Variants in ADAMTSL1 observed in about 807,000 individuals in gnomAD.
ADAMTSL1 encodes the protein ADAMTS like 1.
In ADAMTSL1, 126 loss-of-function variants were observed where a neutral mutation model predicts 201.8. The ratio of observed to expected loss-of-function variants is 0.62; its 90% CI spans 0.54 to 0.72. The LOEUF (loss-of-function observed/expected upper bound fraction) is 0.72. Ranked by LOEUF, ADAMTSL1 falls within the 30% of genes least tolerant of loss-of-function variation. The probability of loss-of-function intolerance (pLI) is 0.00; values close to 1 mark genes in which losing one functional copy is unlikely to be tolerated. For missense variants in ADAMTSL1, 2,679 were observed against 2,277.8 expected (o/e 1.18, Z -3.59); for synonymous variants, 1,121 against 903.4 (o/e 1.24, Z -4.32).
chr9:18,535,501 C>G (rs1819710620), intron 3 of ADAMTSL1, among the ~76,000 whole-genome samples: 2 of 152,158 alleles, frequency 1.3e-5, no homozygotes, highest in South Asian at 2.1e-4. Flanking sequence ...CCAAACTGTG[C>G]CAGCCTCTGC....
At chr9:18,583,156 A>T (rs1348579021) in intron 4 of ADAMTSL1, among the ~76,000 whole-genome samples, 1 of 152,206 alleles carries the variant, frequency 6.6e-6, no homozygotes, top group Admixed American at 6.5e-5. Context: ...ATATGGAAGC[A>T]ACTTTGGAAC....
chr9:18,726,068 T>C (rs1281484329), intron 15 of ADAMTSL1, among the ~76,000 whole-genome samples: 1 of 152,214 alleles, frequency 6.6e-6, no homozygotes, highest in Non-Finnish European at 1.5e-5. Flanking sequence ...AATAGGATCA[T>C]AGTAGGCACT....
chr9:18,655,360 G>A (rs947523675), intron 7 of ADAMTSL1, among the ~76,000 whole-genome samples: 14 of 152,190 alleles, frequency 9.2e-5, no homozygotes, highest in African/African-American at 3.4e-4. Flanking sequence ...TCATTATGTT[G>A]AATTAGAAAC....
In ADAMTSL1 at chr9:18,247,761, CAGA is replaced by C. The variant is rs1341738079; in HGVS notation, c.207+83786_207+83788del. 4.0e-5 allele frequency among the ~76,000 whole-genome samples: 6 copies of C among 151,534 alleles called. No homozygotes were observed. The East Asian group carries it at 9.7e-4, about 24-fold the overall frequency. ...CTGTGTGGCTAGACAGAGGGAGAGG[CAGA>C]AGAAGGAAAGGAGGGAGGGAGGAAG... On this transcript the variant is annotated intron_variant, in intron 2 of 29. Transcript: ENST00000680146.
intron 15 of ADAMTSL1, among the ~76,000 whole-genome samples, chr9:18,726,511 CAAA>C (rs555368005): frequency 8.2e-6 from 1 of 121,994 alleles, no homozygotes; most frequent in African/African-American, 3.0e-5. Flanking sequence ...ACCCTGTCTC[CAAA>C]AAAAAAAAAA....
intron 3 of ADAMTSL1, among the ~76,000 whole-genome samples, chr9:18,563,451 C>A (rs1821667601): frequency 6.6e-6 from 1 of 152,170 alleles, no homozygotes; most frequent in Non-Finnish European, 1.5e-5. Context: ...TCTGTTGACC[C>A]CTGCTGGAAG....
intron 14 of ADAMTSL1, among the ~76,000 whole-genome samples, chr9:18,709,916 T>C (rs571081925): frequency 8.5e-5 from 13 of 152,364 alleles, no homozygotes; most frequent in African/African-American, 2.9e-4. Flanking sequence ...CTCTACTTTT[T>C]GCTTCTGTCA....
intron 14 of ADAMTSL1, among the ~76,000 whole-genome samples, chr9:18,714,073 C>A (rs1293101022): frequency 2.0e-5 from 3 of 152,012 alleles, no homozygotes; most frequent in Non-Finnish European, 4.4e-5. Context: ...CACAACATAC[C>A]AGAATCTCTG....
intron 6 of ADAMTSL1, among the ~76,000 whole-genome samples, chr9:18,637,934 A>T (rs1325489472): frequency 6.6e-6 from 1 of 152,112 alleles, no homozygotes; most frequent in African/African-American, 2.4e-5. Flanking sequence ...GATTTTCCCA[A>T]AACTAAGTTA....
At chr9:18,008,873 A>G (rs1218054976) in intron 1 of ADAMTSL1, among the ~76,000 whole-genome samples, 2 of 152,000 alleles carry the variant, frequency 1.3e-5, no homozygotes, top group Non-Finnish European at 2.9e-5. Context: ...TTTATCTTGA[A>G]CAAAAATGAA....
intron 8 of ADAMTSL1, among the ~76,000 whole-genome samples, chr9:18,657,971 GTC>G (rs1828810192): frequency 2.6e-5 from 3 of 114,628 alleles, no homozygotes; most frequent in South Asian, 2.9e-4. Context: ...AGAGGAAACA[GTC>G]TTTTTTTTTT....
intron 2 of ADAMTSL1, among the ~76,000 whole-genome samples, chr9:18,517,331 C>T (rs539446822): frequency 4.2e-4 from 63 of 151,052 alleles, no homozygotes; most frequent in African/African-American, 1.5e-3. Flanking sequence ...TGAAAATAAA[C>T]GTGTTCATTA....
intron 1 of ADAMTSL1, among the ~76,000 whole-genome samples, chr9:17,955,054 A>G (rs1433728194): frequency 6.6e-6 from 1 of 152,190 alleles, no homozygotes. Flanking sequence ...GTAAATGTAC[A>G]CATACACATG....
In ADAMTSL1 at chr9:18,754,864, G is replaced by A. The variant is rs552580647; in HGVS notation, c.2217+1356G>A. Among the ~76,000 whole-genome samples, 6 of 152,288 alleles carry A rather than the reference G, an allele frequency of 3.9e-5. No individual in the cohort carries two copies. In the East Asian group the frequency reaches 1.2e-3, roughly 29 times the overall value. On this transcript the variant is annotated intron_variant, in intron 16 of 28. Transcript: ENST00000380548. Reference sequence around the variant, plus strand: ...ATACTATGGATGGTTTGTGGAAGAGGATGTCATATATTTTGAACACCAATG... The same window carrying A: ...ATACTATGGATGGTTTGTGGAAGAGAATGTCATATATTTTGAACACCAATG...
At chr9:18,354,223 T>C (rs1000211440) in intron 2 of ADAMTSL1, among the ~76,000 whole-genome samples, 1 of 151,900 alleles carries the variant, frequency 6.6e-6, no homozygotes. Flanking sequence ...CTTGTATAAA[T>C]GTACCATAAT....
intron 23 of ADAMTSL1, among the ~76,000 whole-genome samples, chr9:18,886,253 T>TAC (rs1182355969): frequency 7.1e-6 from 1 of 140,396 alleles, no homozygotes; most frequent in East Asian, 2.2e-4. Context: ...TATACATACA[T>TAC]ACACACACAC....
intron 8 of ADAMTSL1, among the ~76,000 whole-genome samples, chr9:18,660,752 A>G (rs1330609945): frequency 2.6e-5 from 4 of 152,168 alleles, no homozygotes; most frequent in Non-Finnish European, 5.9e-5. Context: ...AAGTGTTCTT[A>G]TCCATTGCTT....
chr9:18,486,473 G>A (rs1821999630), intron 1 of ADAMTSL1, among the ~76,000 whole-genome samples: 1 of 152,196 alleles, frequency 6.6e-6, no homozygotes, highest in Admixed American at 6.5e-5. Context: ...GGAGGCCAAG[G>A]CAGGAGGATC....
chr9:18,583,705 C>G (rs771539537), intron 4 of ADAMTSL1, among the ~76,000 whole-genome samples: 8 of 152,154 alleles, frequency 5.3e-5, no homozygotes, highest in Non-Finnish European at 7.4e-5. Context: ...GCAGAGCCAC[C>G]AGGACGGAGC....
Sources: gnomAD v4.1 joint callset for allele counts (sites outside exome capture counted in the v4.1 genomes callset) on GRCh38, gnomAD v4.1.1 for gene constraint, MANE v1.5 for transcripts, NCBI Gene and HGNC (gene_info 2026-07-23, HGNC 2026-07-21) for gene names.